Variants in AGMO observed in about 807,000 individuals in gnomAD.
AGMO encodes alkylglycerol monooxygenase, also known as glyceryl-ether monooxygenase.
In AGMO, 75 loss-of-function variants were observed where a neutral mutation model predicts 60.2. That is an observed-to-expected ratio of 1.25 (90% CI 1.03 to 1.51). The LOEUF is 1.51. Ranked by LOEUF, AGMO falls within the 40% of genes most tolerant of loss-of-function variation. The pLI is 0.00. For synonymous variants in AGMO, 261 were observed against 177.1 expected, an observed-to-expected ratio of 1.47 and a Z score of -3.76; for missense variants, 763 against 525.5, an observed-to-expected ratio of 1.45 and a Z score of -4.42.
the AGMO span, among the ~76,000 whole-genome samples, chr7:15,130,309 T>C: frequency 6.6e-6 from 1 of 152,072 alleles, no homozygotes; most frequent in Admixed American, 6.6e-5. Flanking sequence ...CCCACCTTTT[T>C]TTTTCTGACA....
chr7:15,407,719 T>C (rs769735663), intron 5 of AGMO, among the ~76,000 whole-genome samples: 2 of 151,896 alleles, frequency 1.3e-5, no homozygotes, highest in African/African-American at 2.4e-5. Context: ...TGTGTGTGTA[T>C]ATTTGTATGT....
At chr7:15,287,606 T>C (rs1211237313) in intron 12 of AGMO, among the ~76,000 whole-genome samples, 1 of 152,208 alleles carries the variant, frequency 6.6e-6, no homozygotes, top group Non-Finnish European at 1.5e-5. Flanking sequence ...GTATGTGTAC[T>C]ATATTTTAAA....
chr7:15,462,888 G>GA (rs1395961189), intron 3 of AGMO, among the ~76,000 whole-genome samples: 6 of 152,216 alleles, frequency 3.9e-5, no homozygotes, highest in African/African-American at 1.4e-4. Context: ...AAAACTCAAT[G>GA]AGTCAAATTT....
At chr7:15,300,202 A>G (rs1273484908) in intron 12 of AGMO, among the ~76,000 whole-genome samples, 1 of 152,206 alleles carries the variant, frequency 6.6e-6, no homozygotes, top group Non-Finnish European at 1.5e-5. Flanking sequence ...AGTTAGAAAT[A>G]TCAGATAGAG....
At chr7:15,445,354 G>C (rs1372804048) in intron 3 of AGMO, among the ~76,000 whole-genome samples, 1 of 152,116 alleles carries the variant, frequency 6.6e-6, no homozygotes, top group Non-Finnish European at 1.5e-5. Context: ...ATAATGATGA[G>C]ATAGCTCTCA....
chr7:15,298,576 A>T (rs976196103), intron 12 of AGMO, among the ~76,000 whole-genome samples: 2 of 151,952 alleles, frequency 1.3e-5, no homozygotes, highest in Admixed American at 1.3e-4. Flanking sequence ...TTATTTGTGT[A>T]TTTTTTGAAG....
At chr7:15,268,626 A>C (rs181542159) in intron 12 of AGMO, among the ~76,000 whole-genome samples, 81 of 152,138 alleles carry the variant, frequency 5.3e-4, no homozygotes, top group African/African-American at 1.8e-3. Context: ...TGAGTGTGGA[A>C]ATTTTCTGTG....
chr7:15,282,397 G>A (rs79917682), intron 12 of AGMO, among the ~76,000 whole-genome samples: 1 of 152,012 alleles, frequency 6.6e-6, no homozygotes, highest in Non-Finnish European at 1.5e-5. Context: ...TCAAGCTTCT[G>A]GAAATGAAAG....
At chr7:15,344,274 TTA>T (rs1218555359) in intron 12 of AGMO, among the ~76,000 whole-genome samples, 1 of 152,218 alleles carries the variant, frequency 6.6e-6, no homozygotes, top group African/African-American at 2.4e-5. Flanking sequence ...TTAAAAATGT[TTA>T]GTCTTTTCTC....
the AGMO span, among the ~76,000 whole-genome samples, chr7:15,168,033 C>A: frequency 6.6e-6 from 1 of 152,132 alleles, no homozygotes; most frequent in East Asian, 1.9e-4. Context: ...TATATCTCAG[C>A]AAACATGCAA....
At chr7:15,177,192 GC>G in the AGMO span, among the ~76,000 whole-genome samples, 6 of 152,092 alleles carry the variant, frequency 3.9e-5, no homozygotes, top group Admixed American at 3.9e-4. Flanking sequence ...TAGCTACATT[GC>G]TTTTAATGAG....
intron 12 of AGMO, among the ~76,000 whole-genome samples, chr7:15,221,300 T>C (rs1346123220): frequency 6.6e-6 from 1 of 152,246 alleles, no homozygotes; most frequent in Admixed American, 6.5e-5. Flanking sequence ...GCTGAGCTCT[T>C]GTAAGTCATC....
intron 12 of AGMO, among the ~76,000 whole-genome samples, chr7:15,302,978 T>G (rs1780496194): frequency 6.6e-6 from 1 of 152,206 alleles, no homozygotes; most frequent in Admixed American, 6.5e-5. Flanking sequence ...AACTTGGTTG[T>G]ATTCAGTGAG....
intron 3 of AGMO, among the ~76,000 whole-genome samples, chr7:15,528,210 T>G (rs1784175054): frequency 6.6e-6 from 1 of 151,956 alleles, no homozygotes; most frequent in African/African-American, 2.4e-5. Flanking sequence ...GCAAAAAAAG[T>G]GATTTGTGAT....
At chr7:15,447,024 C>T (rs1781716422) in intron 3 of AGMO, among the ~76,000 whole-genome samples, 1 of 152,180 alleles carries the variant, frequency 6.6e-6, no homozygotes, top group Non-Finnish European at 1.5e-5. Flanking sequence ...TAGTTGGACA[C>T]TGAGGCACCA....
chr7:15,342,172 T>TAAAAAAAAAAAAAAAAAAAAAAA (rs775057626), intron 12 of AGMO, among the ~76,000 whole-genome samples: 6 of 54,304 alleles, frequency 1.1e-4, no homozygotes, highest in African/African-American at 3.7e-4. Context: ...CCCACAGAGT[T>TAAAAAAAAAAAAAAAAAAAAAAA]AAAAAAAAAA....
In AGMO at chr7:15,556,835, T is replaced by C. The variant is rs184589920; in HGVS notation, c.257+3306A>G. Among the ~76,000 whole-genome samples the C allele has an allele frequency of 2.0e-5, 3 of 152,174 alleles. No individual in the cohort carries two copies. In the East Asian group the frequency reaches 5.8e-4, roughly 29 times the overall value. On this transcript the variant is annotated intron_variant, in intron 2 of 12. Transcript: ENST00000342526. ...CATGATACACTGTGTTTATCTAGAATACATAGACATATATTTTTATAAGTA... is the reference window on the plus strand; with the variant it reads ...CATGATACACTGTGTTTATCTAGAACACATAGACATATATTTTTATAAGTA...
At chr7:15,137,013 T>G in the AGMO span, among the ~76,000 whole-genome samples, 1 of 152,200 alleles carries the variant, frequency 6.6e-6, no homozygotes, top group Non-Finnish European at 1.5e-5. Context: ...GCCAATAAGA[T>G]ATTCCAGAGA....
chr7:15,122,999 A>G, the AGMO span, among the ~76,000 whole-genome samples: 1 of 152,056 alleles, frequency 6.6e-6, no homozygotes, highest in African/African-American at 2.4e-5. Flanking sequence ...GCTTTCTGAC[A>G]TGTTTTCCTA....
Sources: gnomAD v4.1 joint callset for allele counts (sites outside exome capture counted in the v4.1 genomes callset) on GRCh38, gnomAD v4.1.1 for gene constraint, MANE v1.5 for transcripts, NCBI Gene and HGNC (gene_info 2026-07-23, HGNC 2026-07-21) for gene names.